The following COL13A1 variants were observed in gnomAD, a reference collection of about 807,000 sequenced individuals.
COL13A1 encodes the protein collagen type XIII alpha 1 chain.
In COL13A1, 89 loss-of-function variants were observed where a neutral mutation model predicts 130.9. That is an observed-to-expected ratio of 0.68 (90% CI 0.57 to 0.81). The LOEUF is 0.81. COL13A1 is among the 30% of genes least tolerant of loss of function. COL13A1 has a pLI of 0.00. For synonymous variants in COL13A1, 402 were observed against 341.6 expected, an observed-to-expected ratio of 1.18 and a Z score of -1.95; for missense variants, 879 against 934.6, an observed-to-expected ratio of 0.94 and a Z score of 0.78.
intron 30 of COL13A1, among the ~76,000 whole-genome samples, chr10:69,931,938 G>C (rs12241227): frequency 0.065 from 9,891 of 152,192 alleles, 394 homozygotes; most frequent in African/African-American, 0.11. Context: ...CTCATCTGGA[G>C]CTAGGGATCC....
At chr10:69,904,533 C>T (rs909540606) in intron 15 of COL13A1, among the ~76,000 whole-genome samples, 1 of 152,172 alleles carries the variant, frequency 6.6e-6, no homozygotes, top group Non-Finnish European at 1.5e-5. Context: ...CCTCCACTGG[C>T]AGGCAGGACC....
chr10:69,802,834 G>GAGTT, intron 1 of COL13A1, 117 bp downstream of exon 1: 1 of 1,357,188 alleles, frequency 7.4e-7, no homozygotes. Context: ...AGGTTCGCGC[G>GAGTT]AGTTGCCTGC....
chr10:69,926,501 G>C (rs1209236945), intron 26 of COL13A1, among the ~76,000 whole-genome samples: 1 of 152,218 alleles, frequency 6.6e-6, no homozygotes, highest in East Asian at 1.9e-4. Context: ...GACATGACCA[G>C]TTATCCCTTG....
rs140124341 is a variant in COL13A1 at position 69,890,618 on chromosome 10, T to C, written c.603+1178T>C. ...CTGCCAGGGCATGGAGGGAGGCAGG[T>C]AATCATGTGGGTGGAAAGGGGGATG... On this transcript the variant is annotated intron_variant, in intron 10 of 40. Coordinates refer to ENST00000645393, the MANE Select transcript of COL13A1 (RefSeq NM_001368882.1). 9.2e-3 allele frequency among the ~76,000 whole-genome samples: 1,401 copies of C among 152,294 alleles called. 16 individuals carry two copies. Among genetic ancestry groups the C allele is most frequent in the South Asian group, 0.046 (221 of 4,822 alleles).
intron 7 of COL13A1, among the ~76,000 whole-genome samples, chr10:69,885,711 T>G (rs2060535559): frequency 6.6e-6 from 1 of 152,208 alleles, no homozygotes; most frequent in Non-Finnish European, 1.5e-5. Flanking sequence ...TCAGGCCTCT[T>G]GGTGTGCAGA....
intron 2 of COL13A1, among the ~76,000 whole-genome samples, chr10:69,851,523 C>T (rs913714568): frequency 6.6e-6 from 1 of 152,216 alleles, no homozygotes; most frequent in South Asian, 2.1e-4. Flanking sequence ...AATATTTTCT[C>T]CCTGCGCTGT....
chr10:69,911,612 A>T (rs2063388798), intron 17 of COL13A1, among the ~76,000 whole-genome samples: 1 of 152,204 alleles, frequency 6.6e-6, no homozygotes, highest in Non-Finnish European at 1.5e-5. Flanking sequence ...CCATGAATGG[A>T]AGGAAAGGAG....
At chr10:69,916,813 G>A (rs2063974180) in intron 17 of COL13A1, among the ~76,000 whole-genome samples, 1 of 152,160 alleles carries the variant, frequency 6.6e-6, no homozygotes. Flanking sequence ...GAAAAGAGAA[G>A]AGAGCTCCTG....
intron 3 of COL13A1, among the ~76,000 whole-genome samples, chr10:69,870,053 T>C (rs7087970): frequency 0.15 from 23,032 of 152,226 alleles, 1,929 homozygotes; most frequent in Middle Eastern, 0.21. Flanking sequence ...CTTTTTGCTG[T>C]GTAACCTTAG....
intron 38 of COL13A1, among the ~76,000 whole-genome samples, chr10:69,948,984 A>G (rs752623169): frequency 1.1e-4 from 17 of 152,194 alleles, no homozygotes; most frequent in Non-Finnish European, 1.8e-4. Context: ...GGAATGTGTC[A>G]CTTAGTAAAA....
chr10:69,897,245 CA>C (rs1193696391), intron 13 of COL13A1, among the ~76,000 whole-genome samples: 2 of 152,152 alleles, frequency 1.3e-5, no homozygotes, highest in African/African-American at 2.4e-5. Context: ...GGTAGAAAAT[CA>C]GGGGCCTTCT....
chr10:69,810,346 A>AAGAGAGAGAGAGAGAGAG (rs1564723791), intron 1 of COL13A1, among the ~76,000 whole-genome samples: 5 of 71,208 alleles, frequency 7.0e-5, no homozygotes, highest in African/African-American at 3.1e-4. Flanking sequence ...GGCCCTGAGA[A>AAGAGAGAGAGAGAGAGAG]TGAGAGAGAG....
intron 2 of COL13A1, among the ~76,000 whole-genome samples, chr10:69,849,351 G>T (rs1255443818): frequency 2.0e-5 from 3 of 152,112 alleles, no homozygotes; most frequent in Non-Finnish European, 4.4e-5. Context: ...AGCGGGGGTG[G>T]GGGGCGCTTC....
intron 25 of COL13A1, 56 bp downstream of exon 25, chr10:69,925,063 G>C: frequency 6.9e-7 from 1 of 1,459,542 alleles, no homozygotes; most frequent in Non-Finnish European, 9.1e-7. Context: ...AATCAAAAAA[G>C]CATCTGAGAC....
At chr10:69,819,082 T>C (rs1253351403) in intron 1 of COL13A1, among the ~76,000 whole-genome samples, 1 of 152,234 alleles carries the variant, frequency 6.6e-6, no homozygotes, top group Non-Finnish European at 1.5e-5. Flanking sequence ...TATTTTGCAG[T>C]CTCACAATTA....
chr10:69,851,104 C>A (rs1411068707), intron 2 of COL13A1, among the ~76,000 whole-genome samples: 1 of 152,266 alleles, frequency 6.6e-6, no homozygotes, highest in African/African-American at 2.4e-5. Flanking sequence ...CTAAGGGGAA[C>A]CATGCACCCC....
intron 6 of COL13A1, 101 bp from the exon 7 acceptor site, chr10:69,880,402 G>C: frequency 1.3e-6 from 1 of 751,406 alleles, no homozygotes; most frequent in Non-Finnish European, 2.4e-6. Context: ...CCTGCTCCTG[G>C]CCCCCTGCCA....
intron 2 of COL13A1, among the ~76,000 whole-genome samples, chr10:69,855,417 G>A (rs1044727464): frequency 1.1e-4 from 16 of 152,104 alleles, no homozygotes; most frequent in African/African-American, 3.9e-4. Flanking sequence ...GGACAAAAAT[G>A]ATGTTTCACT....
At chr10:69,882,255 G>C (rs1269412158) in intron 7 of COL13A1, among the ~76,000 whole-genome samples, 1 of 152,192 alleles carries the variant, frequency 6.6e-6, no homozygotes, top group African/African-American at 2.4e-5. Context: ...TCTGGCTACT[G>C]ATGTTCTATT....
Sources: gnomAD v4.1 joint callset for allele counts (sites outside exome capture counted in the v4.1 genomes callset) on GRCh38, gnomAD v4.1.1 for gene constraint, MANE v1.5 for transcripts, NCBI Gene and HGNC (gene_info 2026-07-23, HGNC 2026-07-21) for gene names.